The following GRIP1 variants were observed in gnomAD, a reference collection of about 807,000 sequenced individuals.
GRIP1 encodes glutamate receptor interacting protein 1.
In GRIP1, 45 loss-of-function variants were observed where a neutral mutation model predicts 129.9. The ratio of observed to expected loss-of-function variants is 0.35; its 90% CI spans 0.27 to 0.44. GRIP1 has a LOEUF of 0.44. Among genes scored for constraint, GRIP1 ranks in the 20% least tolerant of loss-of-function variants. The pLI, the probability that GRIP1 is intolerant of heterozygous loss-of-function variation, is 1.00. For synonymous variants in GRIP1, 530 were observed against 520.8 expected (o/e 1.02, Z -0.24); for missense variants, 1,196 against 1,396.8 (o/e 0.86, Z 2.29).
intron 1 of GRIP1, among the ~76,000 whole-genome samples, chr12:66,708,179 T>C (rs2136386229): frequency 6.6e-6 from 1 of 152,120 alleles, no homozygotes; most frequent in African/African-American, 2.4e-5. Context: ...CTGGGACACA[T>C]GGATTTCACA....
At chr12:66,518,095 A>AT in intron 5 of GRIP1, 119 bp from the exon 6 acceptor site, 1 of 743,236 alleles carries the variant, frequency 1.3e-6, no homozygotes, top group Non-Finnish European at 2.4e-6. Context: ...AATATGTAAA[A>AT]TTTTCCTTGA....
chr12:66,944,949 C>T (rs896054943), intron 1 of GRIP1, among the ~76,000 whole-genome samples: 2 of 151,996 alleles, frequency 1.3e-5, no homozygotes, highest in Non-Finnish European at 2.9e-5. Flanking sequence ...TGTGCCACCA[C>T]GCCCAGCTAA....
chr12:66,790,038 C>A (rs990117799), intron 1 of GRIP1, among the ~76,000 whole-genome samples: 3 of 152,224 alleles, frequency 2.0e-5, no homozygotes, highest in Non-Finnish European at 4.4e-5. Flanking sequence ...TTCATTAGAT[C>A]AACATTTTGA....
At chr12:66,410,874 C>T (rs1324543868) in intron 15 of GRIP1, among the ~76,000 whole-genome samples, 1 of 152,196 alleles carries the variant, frequency 6.6e-6, no homozygotes, top group Non-Finnish European at 1.5e-5. Flanking sequence ...GCAGGAATTT[C>T]AGCAACTACA....
intron 1 of GRIP1, among the ~76,000 whole-genome samples, chr12:66,758,247 T>A (rs971806808): frequency 6.6e-6 from 1 of 152,160 alleles, no homozygotes; most frequent in African/African-American, 2.4e-5. Context: ...AAGGCATTTC[T>A]TACATGGCAG....
intron 1 of GRIP1, among the ~76,000 whole-genome samples, chr12:66,914,397 T>C (rs1378623789): frequency 6.6e-6 from 1 of 152,236 alleles, no homozygotes; most frequent in African/African-American, 2.4e-5. Flanking sequence ...ATATGAATTG[T>C]GTTATTGCAA....
chr12:66,786,732 C>G (rs2136825496), intron 1 of GRIP1, among the ~76,000 whole-genome samples: 1 of 152,232 alleles, frequency 6.6e-6, no homozygotes, highest in South Asian at 2.1e-4. Flanking sequence ...CCTCACATGA[C>G]TAGGAAGGGG....
chr12:66,528,134 G>GTTTTTTTTTTTTTTTTTTTT (rs59443918), intron 5 of GRIP1, among the ~76,000 whole-genome samples: 2 of 99,244 alleles, frequency 2.0e-5, no homozygotes, highest in Non-Finnish European at 1.9e-5. Context: ...GAATTAGTAG[G>GTTTTTTTTTTTTTTTTTTTT]TTTTTTTTTT....
intron 1 of GRIP1, among the ~76,000 whole-genome samples, chr12:66,999,387 T>C (rs2042517168): frequency 6.6e-6 from 1 of 152,160 alleles, no homozygotes; most frequent in Non-Finnish European, 1.5e-5. Flanking sequence ...TGGTAGAGTC[T>C]TACTAGTGGG....
intron 1 of GRIP1, among the ~76,000 whole-genome samples, chr12:66,883,388 T>C (rs888932789): frequency 6.6e-6 from 1 of 152,090 alleles, no homozygotes; most frequent in Non-Finnish European, 1.5e-5. Context: ...ACCCAACCCA[T>C]GGTGCTCAAT....
chr12:66,981,574 T>C (rs956360820), intron 1 of GRIP1, among the ~76,000 whole-genome samples: 1 of 152,074 alleles, frequency 6.6e-6, no homozygotes, highest in Admixed American at 6.6e-5. Flanking sequence ...TCCTATGTAT[T>C]ACCAAAACTG....
intron 7 of GRIP1, among the ~76,000 whole-genome samples, chr12:66,482,361 T>C (rs1047068204): frequency 2.0e-5 from 3 of 152,178 alleles, no homozygotes; most frequent in African/African-American, 7.2e-5. Context: ...TAGAATTTGA[T>C]TGGAATGTTT....
At chr12:66,784,958 C>T (rs2038274285) in intron 1 of GRIP1, among the ~76,000 whole-genome samples, 1 of 152,122 alleles carries the variant, frequency 6.6e-6, no homozygotes, top group Admixed American at 6.6e-5. Flanking sequence ...GAGGTCTGAC[C>T]AGCCCAGAGT....
chr12:67,035,322 G>C (rs139120607), intron 1 of GRIP1, among the ~76,000 whole-genome samples: 162 of 152,266 alleles, frequency 1.1e-3, no homozygotes, highest in African/African-American at 3.8e-3. Context: ...CCCCTCAGCA[G>C]GGTGTGCATG....
intron 24 of GRIP1, among the ~76,000 whole-genome samples, chr12:66,351,489 G>A (rs1168318): frequency 0.48 from 72,695 of 151,448 alleles, 17,820 homozygotes; most frequent in East Asian, 0.58. Flanking sequence ...GAGAGAATAA[G>A]GTACTATCCC....
chr12:66,688,845 G>A (rs534876226), intron 1 of GRIP1, among the ~76,000 whole-genome samples: 1 of 152,052 alleles, frequency 6.6e-6, no homozygotes, highest in East Asian at 1.9e-4. Context: ...GTCTAAAGGG[G>A]AAAAGGGCTC....
intron 14 of GRIP1, among the ~76,000 whole-genome samples, chr12:66,422,886 T>G (rs1229132360): frequency 6.6e-6 from 1 of 152,144 alleles, no homozygotes; most frequent in Non-Finnish European, 1.5e-5. Flanking sequence ...CTGTATGAGA[T>G]CCTGCCCATC....
intron 1 of GRIP1, among the ~76,000 whole-genome samples, chr12:67,035,142 T>G (rs1405402388): frequency 1.3e-5 from 2 of 152,206 alleles, no homozygotes; most frequent in Non-Finnish European, 2.9e-5. Flanking sequence ...AAACATCTCG[T>G]ACAAGTATTC....
At chr12:66,606,402 T>A (rs577991618) in intron 1 of GRIP1, among the ~76,000 whole-genome samples, 13 of 152,330 alleles carry the variant, frequency 8.5e-5, no homozygotes, top group Non-Finnish European at 1.5e-4. Context: ...GTTTCCTCTA[T>A]AAGTAATCTA....
Sources: allele counts gnomAD v4.1 joint callset (sites outside exome capture counted in the v4.1 genomes callset), GRCh38; gene constraint gnomAD v4.1.1; transcripts MANE v1.5; gene names NCBI Gene and HGNC (gene_info 2026-07-23, HGNC 2026-07-21).